FOXP2: variants seen among roughly 807,000 people sequenced by gnomAD.
FOXP2 encodes forkhead box protein P2.
A neutral mutation model predicts 115.8 loss-of-function variants in FOXP2; 12 were observed. The observed-to-expected ratio is 0.10, with a 90% CI of 0.07 to 0.17. The LOEUF is 0.17. Ranked by LOEUF, FOXP2 falls within the 10% of genes least tolerant of loss-of-function variation. The pLI is 1.00. For synonymous variants in FOXP2, 328 were observed against 297.7 expected (o/e 1.10, Z -1.05); for missense variants, 629 against 843.5 (o/e 0.75, Z 3.15).
In FOXP2 at chr7:114,439,820, C is replaced by T. The variant is rs182966292; in HGVS notation, c.168+13141C>T. Among the ~76,000 whole-genome samples, 283 of 152,158 alleles carry T rather than the reference C, an allele frequency of 1.9e-3. 3 individuals carry two copies. Among genetic ancestry groups the T allele is most frequent in the Admixed American group, 5.8e-3 (89 of 15,256 alleles). On this transcript the variant is annotated intron_variant, in intron 2 of 16. Transcript: ENST00000350908. ...AACTCCTGAGCTCAAGAGATCTGCC[C>T]GCCTTGACCTCCACAAGTGCTGCTG... is the stretch of plus-strand genomic sequence containing the variant.
intron 3 of FOXP2, among the ~76,000 whole-genome samples, chr7:114,600,726 A>T (rs1004479715): frequency 6.6e-6 from 1 of 152,136 alleles, no homozygotes; most frequent in South Asian, 2.1e-4. Context: ...CTCATTGCTA[A>T]TTTGCAGTTC....
At chr7:114,672,431 A>G (rs955739121) in intron 16 of FOXP2, among the ~76,000 whole-genome samples, 4 of 152,204 alleles carry the variant, frequency 2.6e-5, no homozygotes, top group Middle Eastern at 6.8e-3. Context: ...CTAAAAATAC[A>G]AAAATTAGCT....
chr7:114,394,394 T>TACACACAC (rs147854196), intron 2 of FOXP2, among the ~76,000 whole-genome samples: 46 of 146,564 alleles, frequency 3.1e-4, no homozygotes, highest in African/African-American at 1.1e-3. Flanking sequence ...TATGAATCTA[T>TACACACAC]ACACACACAC....
intron 8 of FOXP2, chr7:114,645,415 C>G (rs1259187040): frequency 6.6e-6 from 1 of 151,492 alleles, no homozygotes; most frequent in African/African-American, 2.4e-5. Context: ...TAGCTTAAAA[C>G]CAAAACTTTG....
intron 1 of FOXP2, among the ~76,000 whole-genome samples, chr7:114,179,596 C>G (rs1793406051): frequency 6.6e-6 from 1 of 151,894 alleles, no homozygotes; most frequent in African/African-American, 2.4e-5. Flanking sequence ...CTATTTACCA[C>G]AAGGTTAATG....
chr7:114,382,737 C>A (rs1421299641), intron 2 of FOXP2, among the ~76,000 whole-genome samples: 1 of 152,126 alleles, frequency 6.6e-6, no homozygotes, highest in Non-Finnish European at 1.5e-5. Context: ...CTAATGTCTG[C>A]AGCTAACTGA....
At chr7:114,571,653 T>C (rs1801309362) in intron 3 of FOXP2, among the ~76,000 whole-genome samples, 2 of 151,878 alleles carry the variant, frequency 1.3e-5, no homozygotes, top group South Asian at 2.1e-4. Context: ...TTTTCTTCCT[T>C]ATCATTATTC....
chr7:114,545,934 T>C (rs1799902365), intron 3 of FOXP2, among the ~76,000 whole-genome samples: 1 of 152,192 alleles, frequency 6.6e-6, no homozygotes, highest in South Asian at 2.1e-4. Context: ...ATTACTTATA[T>C]GTCTTGTTAA....
chr7:114,192,652 A>G (rs1793791082), intron 1 of FOXP2, among the ~76,000 whole-genome samples: 1 of 152,224 alleles, frequency 6.6e-6, no homozygotes, highest in Non-Finnish European at 1.5e-5. Flanking sequence ...AATCAGTTGT[A>G]ACTTGTATTT....
At chr7:114,663,302 T>A (rs910244625) in intron 14 of FOXP2, 148 bp from the exon 15 acceptor site, 5 of 614,558 alleles carry the variant, frequency 8.1e-6, no homozygotes, top group African/African-American at 1.9e-5. Flanking sequence ...ATATTTGAAC[T>A]CTATTACCTT....
Position 114,689,988 on chromosome 7 carries a change from A to C in FOXP2, c.*62A>C. The C allele has an allele frequency of 6.3e-7, 1 of 1,595,218 alleles. No individual in the cohort carries two copies. Among genetic ancestry groups the C allele is most frequent in the Non-Finnish European group, 8.6e-7 (1 of 1,167,492 alleles). On this transcript the variant is annotated 3_prime_UTR_variant, in exon 17 of 17. Coordinates refer to ENST00000350908, the MANE Select transcript of FOXP2 (RefSeq NM_014491.4). ...TCACTGACCTTCATAACCACTCCACAACCATGAATATTTGACAAATTTTTA... is the reference window on the plus strand; with the variant it reads ...TCACTGACCTTCATAACCACTCCACCACCATGAATATTTGACAAATTTTTA...
chr7:114,648,719 C>T (rs937455271), intron 8 of FOXP2, among the ~76,000 whole-genome samples: 3 of 152,036 alleles, frequency 2.0e-5, no homozygotes, highest in African/African-American at 7.2e-5. Flanking sequence ...ATACTACCTA[C>T]CTAACACACA....
At chr7:114,320,175 C>T (rs1008842629) in intron 2 of FOXP2, among the ~76,000 whole-genome samples, 1 of 152,198 alleles carries the variant, frequency 6.6e-6, no homozygotes, top group African/African-American at 2.4e-5. Flanking sequence ...GATTTGTTGG[C>T]TGTATACTGC....
chr7:114,261,109 C>T (rs1341739400), intron 1 of FOXP2, among the ~76,000 whole-genome samples: 2 of 152,014 alleles, frequency 1.3e-5, no homozygotes, highest in Non-Finnish European at 2.9e-5. Flanking sequence ...TTGTTGTATG[C>T]TATTAGGTAA....
intron 2 of FOXP2, among the ~76,000 whole-genome samples, chr7:114,324,756 C>T (rs1022637050): frequency 1.3e-5 from 2 of 151,786 alleles, no homozygotes; most frequent in Non-Finnish European, 1.5e-5. Flanking sequence ...CCTTTTAATA[C>T]GTATTACATT....
intron 2 of FOXP2, among the ~76,000 whole-genome samples, chr7:114,428,774 G>A (rs916986555): frequency 6.6e-6 from 1 of 151,310 alleles, no homozygotes; most frequent in African/African-American, 2.4e-5. Flanking sequence ...AATTGATGCA[G>A]TTATTGCCTT....
chr7:114,316,095 A>C (rs2129180836), intron 2 of FOXP2, among the ~76,000 whole-genome samples: 1 of 152,314 alleles, frequency 6.6e-6, no homozygotes, highest in East Asian at 1.9e-4. Flanking sequence ...GAACTGGAAC[A>C]GGAAGGGACA....
chr7:114,088,195 T>G (rs184201112), intron 1 of FOXP2: 33 of 148,682 alleles, frequency 2.2e-4, no homozygotes, highest in African/African-American at 6.4e-4. Context: ...TTCTTGATCT[T>G]GAGGATTATT....
chr7:114,676,859 C>T (rs1807796003), intron 16 of FOXP2, among the ~76,000 whole-genome samples: 1 of 152,078 alleles, frequency 6.6e-6, no homozygotes, highest in Admixed American at 6.5e-5. Flanking sequence ...ATAAAATTAA[C>T]ATCACATTGC....
Sources: allele counts gnomAD v4.1 joint callset (sites outside exome capture counted in the v4.1 genomes callset), GRCh38; gene constraint gnomAD v4.1.1; transcripts MANE v1.5; gene names NCBI Gene and HGNC (gene_info 2026-07-23, HGNC 2026-07-21).